The following FRMPD1 variants were observed in gnomAD, a reference collection of about 807,000 sequenced individuals.
FRMPD1 encodes the protein FERM and PDZ domain containing 1.
Under a neutral mutation model 117.8 loss-of-function variants are expected in FRMPD1, and 76 were observed. That is an observed-to-expected ratio of 0.65 (90% CI 0.54 to 0.78). The LOEUF (loss-of-function observed/expected upper bound fraction) is 0.78, where lower values mean the gene tolerates loss of function less well. Among genes scored for constraint, FRMPD1 ranks in the 30% least tolerant of loss-of-function variants. The pLI, the probability that FRMPD1 is intolerant of heterozygous loss-of-function variation, is 0.00. For synonymous variants in FRMPD1, 783 were observed against 770.4 expected (o/e 1.02, Z -0.27); for missense variants, 1,786 against 1,964.5 (o/e 0.91, Z 1.72).
chr9:37,707,479 A>T lies in FRMPD1; in HGVS notation c.165A>T (p.Arg55=). ...RNPTQTLIPV[R]HTVKIDKDTL... Reference sequence around the variant, plus strand: ...CAACTCAGACCCTCATCCCTGTGCGACACACAGTAAAGATAGACAAAGACA... The same window carrying T: ...CAACTCAGACCCTCATCCCTGTGCGTCACACAGTAAAGATAGACAAAGACA... The change falls in exon 3 of 16, where the codon CGA becomes CGT. Residue 55 remains arginine (R), a synonymous_variant. Transcript: ENST00000377765. 6.2e-7 allele frequency: 1 copy of T among 1,613,960 alleles called. No individual in the cohort carries two copies. The highest frequency in any genetic ancestry group is 8.5e-7 in the Non-Finnish European group (1 of 1,179,878).
chr9:37,675,334 T>A (rs958719219), intron 1 of FRMPD1, among the ~76,000 whole-genome samples: 1 of 151,080 alleles, frequency 6.6e-6, no homozygotes, highest in Non-Finnish European at 1.5e-5. Context: ...GGCACAAGAA[T>A]CGGTTGAAAC....
the FRMPD1 span, among the ~76,000 whole-genome samples, chr9:37,610,882 G>A: frequency 1.1e-4 from 16 of 152,236 alleles, no homozygotes; most frequent in African/African-American, 2.6e-4. Context: ...GATTACAGGC[G>A]TGAGCCACCA....
In FRMPD1 at chr9:37,707,437, T is replaced by C; in HGVS notation, c.123T>C (p.Asp41=). 6.2e-7 allele frequency: 1 copy of C among 1,613,872 alleles called. No individual in the cohort carries two copies. The highest frequency in any genetic ancestry group is 1.3e-5 in the African/African-American group (1 of 75,034). The change falls in exon 3 of 16, where the codon GAT becomes GAC. Residue 41 remains aspartate, a synonymous_variant. Coordinates refer to ENST00000377765, the MANE Select transcript of FRMPD1 (RefSeq NM_014907.3). ...SSARAKVAAA[D]GPARNPTQTL... is the part of the protein sequence containing the mutation. ...CCAGGGCTAAAGTTGCTGCAGCTGA[T>C]GGGCCCGCCAGGAACCCAACTCAGA...
At chr9:37,667,840 C>T (rs1408171847) in intron 1 of FRMPD1, among the ~76,000 whole-genome samples, 1 of 152,160 alleles carries the variant, frequency 6.6e-6, no homozygotes, top group Non-Finnish European at 1.5e-5. Flanking sequence ...GAGATCATCT[C>T]CTGCTCTACC....
intron 2 of FRMPD1, among the ~76,000 whole-genome samples, chr9:37,704,488 G>C (rs1822633954): frequency 1.3e-5 from 2 of 152,036 alleles, no homozygotes; most frequent in Admixed American, 1.3e-4. Context: ...CACTGCTCTA[G>C]AAGCAGTGCT....
chr9:37,646,180 A>T (rs1029239877), upstream of FRMPD1, among the ~76,000 whole-genome samples: 1 of 152,228 alleles, frequency 6.6e-6, no homozygotes, highest in Non-Finnish European at 1.5e-5. Flanking sequence ...CTGTCTCATT[A>T]TATTTCTGCA....
At chr9:37,612,910 G>A in the FRMPD1 span, among the ~76,000 whole-genome samples, 2,132 of 152,290 alleles carry the variant, frequency 0.014, 42 homozygotes, top group African/African-American at 0.049. Context: ...CAGAGGATGA[G>A]GAGTTGTCCT....
chr9:37,720,955 G>C (rs1823374557), intron 6 of FRMPD1, among the ~76,000 whole-genome samples: 1 of 152,234 alleles, frequency 6.6e-6, no homozygotes, highest in Non-Finnish European at 1.5e-5. Context: ...GATGAGTAGT[G>C]AGGGTGAGAA....
At chr9:37,737,921 T>A (rs1824209289) in intron 14 of FRMPD1, among the ~76,000 whole-genome samples, 1 of 152,140 alleles carries the variant, frequency 6.6e-6, no homozygotes, top group African/African-American at 2.4e-5. Flanking sequence ...TTCTCTTCCT[T>A]ACCTATGCAC....
At chr9:37,737,303 G>A in intron 14 of FRMPD1, 60 bp downstream of exon 14, 1 of 1,532,562 alleles carries the variant, frequency 6.5e-7, no homozygotes, top group Non-Finnish European at 9.0e-7. Context: ...TTGTAGGTAA[G>A]GGCAGCCTAA....
intron 2 of FRMPD1, among the ~76,000 whole-genome samples, chr9:37,699,866 T>C (rs1822471275): frequency 6.6e-6 from 1 of 152,166 alleles, no homozygotes; most frequent in South Asian, 2.1e-4. Context: ...CATGCATGTA[T>C]GCACACAGGC....
chr9:37,703,632 T>C (rs1008278460), intron 2 of FRMPD1, among the ~76,000 whole-genome samples: 1 of 152,230 alleles, frequency 6.6e-6, no homozygotes, highest in Non-Finnish European at 1.5e-5. Context: ...AAGTCCATTT[T>C]GGAAGGTTTT....
chr9:37,637,952 A>C, the FRMPD1 span, among the ~76,000 whole-genome samples: 1 of 119,342 alleles, frequency 8.4e-6, no homozygotes, highest in Admixed American at 8.8e-5. Context: ...TTTCAAAGGA[A>C]AATGGTGTAT....
In FRMPD1 at chr9:37,746,207, C is replaced by G. The variant is rs1383319812; in HGVS notation, c.4175C>G (p.Pro1392Arg). 2.5e-6 allele frequency: 4 copies of G among 1,613,236 alleles called. No homozygotes were observed. The Admixed American group carries it at 6.7e-5, about 27-fold the overall frequency. ...CGAGCCCACAGCTGCACCACCGCAC[C>G]CCTGTCGAGGAAAAGCCACATCTGG... ...PARAHSCTTA[P>R]LSRKSHIWPE... Residue 1392 changes from proline to arginine, a missense_variant, in exon 16 of 16, where the codon CCC (proline) becomes CGC (arginine). Pro to Arg is a moderately radical substitution (Grantham distance 103). Transcript: ENST00000377765.
chr9:37,633,031 A>ATTTTTTT, the FRMPD1 span, among the ~76,000 whole-genome samples: 1 of 145,754 alleles, frequency 6.9e-6, no homozygotes, highest in African/African-American at 2.5e-5. Context: ...ATATATATAT[A>ATTTTTTT]TTTTTCTTTT....
At chr9:37,623,572 AGAAGAC>A in the FRMPD1 span, among the ~76,000 whole-genome samples, 1 of 152,048 alleles carries the variant, frequency 6.6e-6, no homozygotes, top group Non-Finnish European at 1.5e-5. Context: ...TAGAGAGCAC[AGAAGAC>A]ATAGGGGAGT....
In FRMPD1 at chr9:37,651,389, G is replaced by A. The variant is rs565004210; in HGVS notation, c.-5+295G>A. 3.9e-5 allele frequency among the ~76,000 whole-genome samples: 6 copies of A among 152,350 alleles called. No homozygotes were observed. The South Asian group carries it at 8.3e-4, about 21-fold the overall frequency. On this transcript the variant is annotated intron_variant, in intron 1 of 15. Transcript: ENST00000377765. ...CAACGCGGGAGGGGGAGAGACCTGG[G>A]TTCAGGTGCGGCCGCGGCCAGCGCC...
At chr9:37,623,400 C>A in the FRMPD1 span, among the ~76,000 whole-genome samples, 1 of 152,208 alleles carries the variant, frequency 6.6e-6, no homozygotes, top group Non-Finnish European at 1.5e-5. Context: ...GAAGAAAAAG[C>A]AGTTGTTTAT....
At chr9:37,726,366 T>C (rs1823616870) in intron 7 of FRMPD1, among the ~76,000 whole-genome samples, 1 of 152,180 alleles carries the variant, frequency 6.6e-6, no homozygotes, top group Non-Finnish European at 1.5e-5. Context: ...ACACTTTTTG[T>C]GTGCCAGGCA....
Sources: gnomAD v4.1 joint callset for allele counts (sites outside exome capture counted in the v4.1 genomes callset) on GRCh38, gnomAD v4.1.1 for gene constraint, MANE v1.5 for transcripts, NCBI Gene and HGNC (gene_info 2026-07-23, HGNC 2026-07-21) for gene names.